The following NAALADL1 variants were observed in gnomAD, a reference collection of about 807,000 sequenced individuals.
NAALADL1 encodes the protein aminopeptidase NAALADL1.
A neutral mutation model predicts 82.8 loss-of-function variants in NAALADL1; 77 were observed. The observed-to-expected ratio is 0.93, with a 90% CI of 0.77 to 1.12. The LOEUF (loss-of-function observed/expected upper bound fraction) is 1.12. Ranked by LOEUF, NAALADL1 falls within the 50% of genes most tolerant of loss-of-function variation. The pLI, the probability that NAALADL1 is intolerant of heterozygous loss-of-function variation, is 0.00. For synonymous variants in NAALADL1, 358 were observed against 399.2 expected (o/e 0.90, Z 1.23); for missense variants, 956 against 964.0 (o/e 0.99, Z 0.11).
In NAALADL1 at chr11:65,047,641, G is replaced by A. The variant is rs1256582985; in HGVS notation, c.1508+6C>T. 2.5e-6 allele frequency: 4 copies of A among 1,600,224 alleles called. No homozygotes were observed. Among genetic ancestry groups the A allele is most frequent in the Non-Finnish European group, 1.7e-6 (2 of 1,174,712 alleles). On this transcript the variant is annotated splice_donor_region_variant and intron_variant, in intron 12 of 17. Transcript: ENST00000358658. ...GCTCCGGGCCCCCTTCTGTCCCTGGGCTTACCTGGGGACCAGGCCGTACAC... is the reference window on the plus strand; with the variant it reads ...GCTCCGGGCCCCCTTCTGTCCCTGGACTTACCTGGGGACCAGGCCGTACAC...
chr11:65,054,552 C>G lies in NAALADL1; in HGVS notation c.790G>C (p.Val264Leu). The change falls in exon 5 of 18, where the codon GTC (valine) becomes CTC (leucine). Residue 264 changes from valine to leucine, a missense_variant. Val to Leu is a conservative substitution (Grantham distance 32). Transcript: ENST00000358658. The surrounding 1 kb of genome is among the most constrained non-coding windows in gnomAD (Gnocchi z 4.3). ...AGGTCCACGCGGAAGGAAGAGGGGA[C>G]GGCTGGAAGGTAGGGAGTCAGAGGG... is the stretch of plus-strand genomic sequence containing the variant. ...GDPLTPYLPA[V>L]PSSFRVDLAN... 2.5e-6 allele frequency: 4 copies of G among 1,613,758 alleles called. No homozygotes were observed. Among genetic ancestry groups the G allele is most frequent in the Non-Finnish European group, 3.4e-6 (4 of 1,179,880 alleles).
upstream of NAALADL1, among the ~76,000 whole-genome samples, chr11:65,059,541 G>A (rs1041834113): frequency 6.6e-6 from 1 of 152,204 alleles, no homozygotes; most frequent in South Asian, 2.1e-4. Flanking sequence ...CTGTCCCAGA[G>A]GAGGCAGCAG....
chr11:65,049,966 C>T (rs527839538), intron 8 of NAALADL1, among the ~76,000 whole-genome samples: 14 of 151,624 alleles, frequency 9.2e-5, no homozygotes, highest in African/African-American at 2.9e-4. Flanking sequence ...ACCTCTGCCC[C>T]CCAGGTTCAA....
In NAALADL1 at chr11:65,058,527, G is replaced by A. The variant is rs1006555496; in HGVS notation, c.-6C>T. The A allele has an allele frequency of 7.6e-6, 12 of 1,582,424 alleles. No individual in the cohort carries two copies. Among genetic ancestry groups the A allele is most frequent in the Admixed American group, 3.6e-5 (2 of 55,886 alleles). On this transcript the variant is annotated 5_prime_UTR_variant, in exon 1 of 18. Transcript: ENST00000358658. The stretch of plus-strand genomic sequence containing the variant: ...AACACCTTCGTCCACTGCATCCTGC[G>A]GACTCTTGGCCAGCTGGGGTAGGAC...
At chr11:65,048,537 G>A (rs1430197296) in intron 8 of NAALADL1, 152 bp from the exon 9 acceptor site, 5 of 809,034 alleles carry the variant, frequency 6.2e-6, no homozygotes, top group Non-Finnish European at 9.9e-6. Context: ...GGCCTTCCAG[G>A]AGGCTCCCGC....
chr11:65,057,763 C>T (rs1314447946), intron 3 of NAALADL1, 112 bp downstream of exon 3: 26 of 1,501,538 alleles, frequency 1.7e-5, no homozygotes, highest in East Asian at 6.8e-5. Context: ...GAGTAAATTC[C>T]GGAGGGCGCG....
chr11:65,045,149 G>T lies in NAALADL1; in HGVS notation c.*122C>A. On this transcript the variant is annotated 3_prime_UTR_variant, in exon 18 of 18. Transcript: ENST00000358658. ...CCTCAGGGACCTCAAGCTGTTGCCT[G>T]AGAAGCTTGAGAGGGTCCTGTGGTA... 2 of 1,123,370 alleles carry T rather than the reference G, an allele frequency of 1.8e-6. No homozygotes were observed. The highest frequency in any genetic ancestry group is 1.2e-6 in the Non-Finnish European group (1 of 800,710). 69.6% of individuals were successfully genotyped at this position (1,123,370 alleles called of 1,614,324 possible).
rs1947105657 is a variant in NAALADL1 at position 65,058,330 on chromosome 11, T to C, written c.185+7A>G. On this transcript the variant is annotated splice_region_variant and intron_variant, in intron 1 of 17. Transcript: ENST00000358658. ...CAAACGGAGGAGCAGATGGCCCCAC[T>C]TCTCACCTGAGGTTCTCCCGGATCC... is the stretch of plus-strand genomic sequence containing the variant. 1.2e-6 allele frequency: 2 copies of C among 1,614,072 alleles called. No homozygotes were observed. Among genetic ancestry groups the C allele is most frequent in the East Asian group, 4.5e-5 (2 of 44,880 alleles).
chr11:65,049,806 G>C (rs1441354671), intron 8 of NAALADL1, among the ~76,000 whole-genome samples: 1 of 152,170 alleles, frequency 6.6e-6, no homozygotes. Flanking sequence ...CCAGGAGGTC[G>C]AGCAAGCAGT....
chr11:65,046,227 T>A lies in NAALADL1; in HGVS notation c.1817A>T (p.Asp606Val). The A allele has an allele frequency of 6.2e-7, 1 of 1,614,110 alleles. No individual in the cohort carries two copies. Among genetic ancestry groups the A allele is most frequent in the Non-Finnish European group, 8.5e-7 (1 of 1,180,030 alleles). The change falls in exon 15 of 18, where the codon GAT (aspartate) becomes GTT (valine). Residue 606 changes from aspartate to valine, a missense_variant. Asp to Val is a radical substitution (Grantham distance 152). Transcript: ENST00000358658. The stretch of plus-strand genomic sequence containing the variant: ...GTGCTGCTCCAGCAGGGCCCCAAGA[T>A]CTTGCTGGGCTGCCTGCAGGAAGCT... ...LRSFLQAAQQ[D>V]LGALLEQHSI...
At position 65,054,175 on chromosome 11, in the gene NAALADL1, A is replaced by T. The variant is rs79486146; in HGVS notation, c.992+75T>A. On this transcript the variant is annotated intron_variant, in intron 6 of 17. Coordinates refer to ENST00000358658, the MANE Select transcript of NAALADL1 (RefSeq NM_005468.3). The surrounding 1 kb of genome is among the most constrained non-coding windows in gnomAD (Gnocchi z 4.3). ...AGGCTTTGAAGTGGAAAGAGGGAAC[A>T]TCATCACAAGGGAAGGGGAGAGGCG... The T allele has an allele frequency of 3.5e-3, 4,551 of 1,290,042 alleles. 134 individuals carry two copies. The African/African-American group carries it at 0.058, about 16-fold the overall frequency. 79.9% of individuals were successfully genotyped at this position (1,290,042 alleles called of 1,614,324 possible). A position where few individuals can be genotyped will look rare whatever the true frequency, so the allele number is the denominator to read the frequency against.
In NAALADL1 at chr11:65,058,050, G is replaced by C. The variant is rs201881121; in HGVS notation, c.358+28C>G. 3.8e-5 allele frequency: 62 copies of C among 1,612,552 alleles called. No homozygotes were observed. The Admixed American group carries it at 8.8e-4, about 23-fold the overall frequency. ...GGGCCCAGCAGCTCCCCACCCCCGGGCATTCCCAAGACTGGGCAGGACCTC... is the reference window on the plus strand; with the variant it reads ...GGGCCCAGCAGCTCCCCACCCCCGGCCATTCCCAAGACTGGGCAGGACCTC... On this transcript the variant is annotated intron_variant, in intron 2 of 17. Transcript: ENST00000358658.
rs1194534523 is a variant in NAALADL1, at chr11:65,047,836, C to G, written c.1417-98G>C. 8 of 1,475,598 alleles carry G rather than the reference C, an allele frequency of 5.4e-6. No homozygotes were observed. The African/African-American group carries it at 8.4e-5, about 15-fold the overall frequency. 91.4% of individuals were successfully genotyped at this position (1,475,598 alleles called of 1,614,324 possible). On this transcript the variant is annotated intron_variant, in intron 11 of 17. Coordinates refer to ENST00000358658, the MANE Select transcript of NAALADL1 (RefSeq NM_005468.3). ...GTCTCCTGCCCACCCGTGGTCCAGT[C>G]CTTACGAGGCTTGCCCCAGCCTCAG...
In NAALADL1 at chr11:65,054,684, C is replaced by T; in HGVS notation, c.658G>A (p.Ala220Thr). The T allele has an allele frequency of 1.2e-6, 2 of 1,614,086 alleles. No homozygotes were observed. The highest frequency in any genetic ancestry group is 1.7e-6 in the Non-Finnish European group (2 of 1,180,018). ...VAGVLVYTDPADINDGLSSPD... is the reference protein window; with the variant it reads ...VAGVLVYTDPTDINDGLSSPD... ...GAGCTCAGCCCATCGTTGATGTCGG[C>T]AGGGTCTGTGTACACCAGCACCCCA... Residue 220 changes from alanine (A) to threonine (T), a missense_variant, in exon 5 of 18, where the codon GCC becomes ACC. By Grantham distance (58) the Ala-to-Thr change is moderately conservative (BLOSUM62 0). Coordinates refer to ENST00000358658, the MANE Select transcript of NAALADL1 (RefSeq NM_005468.3). This position sits in a 1 kb window ranked among gnomAD's most constrained non-coding sequence, Gnocchi z 4.3.
chr11:65,048,206 TGAA>T lies in NAALADL1; in HGVS notation c.1291_1293del (p.Phe431del), dbSNP rs1337984708. ...GCCACCGTGCGCTCCTGCAGCTTGT[TGAA>T]GAACTCCTGCGGGTGCGAGGGGCGA... On this transcript the variant is annotated inframe_deletion, in exon 10 of 18. Transcript: ENST00000358658. 1.2e-6 allele frequency: 2 copies of T among 1,613,800 alleles called. No homozygotes were observed. Among genetic ancestry groups the T allele is most frequent in the South Asian group, 1.1e-5 (1 of 91,054 alleles).
At position 65,054,577 on chromosome 11, in the gene NAALADL1, G is replaced by A. The variant is rs771771924; in HGVS notation, c.765C>T (p.Asp255=). 1.2e-6 allele frequency: 2 copies of A among 1,613,660 alleles called. No homozygotes were observed. Among genetic ancestry groups the A allele is most frequent in the East Asian group, 2.2e-5 (1 of 44,878 alleles). Residue 255 remains aspartate, a synonymous_variant, in exon 5 of 18, where the codon GAC becomes GAT. Coordinates refer to ENST00000358658, the MANE Select transcript of NAALADL1 (RefSeq NM_005468.3). This position sits in a 1 kb window ranked among gnomAD's most constrained non-coding sequence, Gnocchi z 4.3. ...ERGSYYEYFG[D]PLTPYLPAVP... is the part of the protein sequence containing the mutation. ...CGGCTGGAAGGTAGGGAGTCAGAGG[G>A]TCCCCAAAATACTCGTAGTAGGAGC... is the stretch of plus-strand genomic sequence containing the variant.
rs1947066976 is a variant in NAALADL1 at position 65,057,354 on chromosome 11, G to A, written c.603+17C>T. 4 of 1,597,364 alleles carry A rather than the reference G, an allele frequency of 2.5e-6. No individual in the cohort carries two copies. The South Asian group carries it at 3.4e-5, about 14-fold the overall frequency. ...CTTCCTCACCGAGGCCTCCTGCACT[G>A]GGGGACTGCCACTCACCTTGGCCCC... is the stretch of plus-strand genomic sequence containing the variant. On this transcript the variant is annotated intron_variant, in intron 4 of 17. Transcript: ENST00000358658.
rs755998163 is a variant in NAALADL1 at position 65,054,619 on chromosome 11, G to C, written c.723C>G (p.Pro241=). 1 of 1,613,754 alleles carries C rather than the reference G, an allele frequency of 6.2e-7. No individual in the cohort carries two copies. The highest frequency in any genetic ancestry group is 8.5e-7 in the Non-Finnish European group (1 of 1,179,744). The part of the protein sequence containing the change: ...ETFPNSWYLP[P]SGVERGSYYE... Reference sequence around the variant, plus strand: ...AGTAGGAGCCTCGCTCCACTCCTGAGGGGGGCAGGTACCAGGAGTTGGGAA... The same window carrying C: ...AGTAGGAGCCTCGCTCCACTCCTGACGGGGGCAGGTACCAGGAGTTGGGAA... Residue 241 remains proline, a synonymous_variant, in exon 5 of 18, where the codon CCC becomes CCG. Coordinates refer to ENST00000358658, the MANE Select transcript of NAALADL1 (RefSeq NM_005468.3). This position sits in a 1 kb window ranked among gnomAD's most constrained non-coding sequence, Gnocchi z 4.3.
At chr11:65,056,177 G>A (rs1476487524) in intron 4 of NAALADL1, among the ~76,000 whole-genome samples, 4 of 151,972 alleles carry the variant, frequency 2.6e-5, no homozygotes, top group Non-Finnish European at 5.9e-5. Flanking sequence ...GAGCCACCGC[G>A]TCCAGCCCAC....
Sources: gnomAD v4.1 joint callset for allele counts (sites outside exome capture counted in the v4.1 genomes callset) on GRCh38, gnomAD v4.1.1 for gene constraint, Gnocchi (gnomAD v3.1) non-coding constraint, MANE v1.5 for transcripts, NCBI Gene and HGNC (gene_info 2026-07-23, HGNC 2026-07-21) for gene names.